Variants in BCKDHB observed in about 807,000 individuals in gnomAD.
The protein encoded by BCKDHB is 2-oxoisovalerate dehydrogenase subunit beta, mitochondrial.
A neutral mutation model predicts 48.5 loss-of-function variants in BCKDHB; 41 were observed. The observed-to-expected ratio is 0.85, with a 90% CI of 0.66 to 1.10. The LOEUF is 1.10. BCKDHB is among the 50% of genes least tolerant of loss of function. BCKDHB has a pLI of 0.00. For missense variants in BCKDHB, 496 were observed against 494.2 expected, an observed-to-expected ratio of 1.00 and a Z score of -0.03; for synonymous variants, 201 against 174.8, an observed-to-expected ratio of 1.15 and a Z score of -1.18.
At chr6:80,201,138 G>A in intron 7 of BCKDHB, 107 bp downstream of exon 7, 1 of 923,442 alleles carries the variant, frequency 1.1e-6, no homozygotes, top group Non-Finnish European at 1.7e-6. Flanking sequence ...TTATATCTCA[G>A]ATTAAGTCTG....
chr6:80,155,724 A>G (rs921592959), intron 3 of BCKDHB, among the ~76,000 whole-genome samples: 3 of 152,052 alleles, frequency 2.0e-5, no homozygotes, highest in Non-Finnish European at 2.9e-5. Context: ...TAAATATAAC[A>G]TTGAATTTCT....
At chr6:80,201,117 C>T (rs144557946) in intron 7 of BCKDHB, 86 bp downstream of exon 7, 36 of 1,156,060 alleles carry the variant, frequency 3.1e-5, no homozygotes, top group African/African-American at 4.6e-5. Context: ...AAATTGAAAA[C>T]GATGTTTTCT....
At chr6:80,324,935 A>G (rs1768955496) in intron 9 of BCKDHB, among the ~76,000 whole-genome samples, 1 of 152,212 alleles carries the variant, frequency 6.6e-6, no homozygotes, top group Admixed American at 6.5e-5. Context: ...AAGAAAGTAC[A>G]TAGGAAGATG....
chr6:80,229,103 C>A (rs1268484691), intron 8 of BCKDHB, among the ~76,000 whole-genome samples: 4 of 152,158 alleles, frequency 2.6e-5, no homozygotes, highest in Non-Finnish European at 4.4e-5. Flanking sequence ...CAGTGAGCAC[C>A]TTCTGGGACC....
At chr6:80,183,935 T>C (rs1354898773) in intron 6 of BCKDHB, among the ~76,000 whole-genome samples, 2 of 152,172 alleles carry the variant, frequency 1.3e-5, no homozygotes, top group Non-Finnish European at 2.9e-5. Context: ...TTCTATTTAA[T>C]GCTGAATAAT....
At chr6:80,118,349 C>T (rs1205440877) in intron 1 of BCKDHB, among the ~76,000 whole-genome samples, 1 of 152,100 alleles carries the variant, frequency 6.6e-6, no homozygotes, top group Non-Finnish European at 1.5e-5. Flanking sequence ...TCTAAAAGAT[C>T]AATGTACATA....
intron 8 of BCKDHB, among the ~76,000 whole-genome samples, chr6:80,236,339 T>C (rs1289558237): frequency 6.6e-6 from 1 of 152,242 alleles, no homozygotes; most frequent in Non-Finnish European, 1.5e-5. Flanking sequence ...AATAGACTTT[T>C]AGGTGATCAG....
intron 3 of BCKDHB, among the ~76,000 whole-genome samples, chr6:80,141,173 G>A (rs569991623): frequency 1.5e-4 from 23 of 151,876 alleles, no homozygotes; most frequent in African/African-American, 3.4e-4. Flanking sequence ...TTTTTAATGC[G>A]TCTATTCGAT....
intron 1 of BCKDHB, chr6:80,127,215 C>CT (rs1770388775): frequency 6.3e-6 from 2 of 319,390 alleles, no homozygotes; most frequent in African/African-American, 4.3e-5. Flanking sequence ...GTCTGTGCTT[C>CT]TTCCCAGACC....
the BCKDHB span, among the ~76,000 whole-genome samples, chr6:80,438,362 G>A: frequency 1.3e-5 from 2 of 152,104 alleles, no homozygotes; most frequent in Non-Finnish European, 2.9e-5. Context: ...TGTATTGATA[G>A]GTGTTTACAT....
chr6:80,235,506 T>C (rs1398152016), intron 8 of BCKDHB, among the ~76,000 whole-genome samples: 1 of 152,132 alleles, frequency 6.6e-6, no homozygotes, highest in African/African-American at 2.4e-5. Flanking sequence ...CAGAATAATA[T>C]CTTCTACAAA....
chr6:80,187,788 C>A (rs1034489676), intron 6 of BCKDHB, among the ~76,000 whole-genome samples: 2 of 152,148 alleles, frequency 1.3e-5, no homozygotes, highest in African/African-American at 2.4e-5. Context: ...TACCATCTCA[C>A]ACCAGTCAGA....
the BCKDHB span, among the ~76,000 whole-genome samples, chr6:80,413,510 T>A: frequency 6.6e-6 from 1 of 152,184 alleles, no homozygotes; most frequent in Non-Finnish European, 1.5e-5. Context: ...TCCATATGTT[T>A]TTATCATTTA....
the BCKDHB span, among the ~76,000 whole-genome samples, chr6:80,458,476 T>C: frequency 1.3e-5 from 2 of 152,198 alleles, no homozygotes; most frequent in African/African-American, 4.8e-5. Context: ...ACAGTGTGTA[T>C]GGTGGTTTAG....
intron 3 of BCKDHB, among the ~76,000 whole-genome samples, chr6:80,137,194 T>G (rs1267373894): frequency 6.6e-6 from 1 of 152,194 alleles, no homozygotes; most frequent in East Asian, 1.9e-4. Context: ...TTTTTCTTAT[T>G]TATTACTTTG....
chr6:80,207,403 A>G (rs1231501471), intron 8 of BCKDHB, among the ~76,000 whole-genome samples: 1 of 151,988 alleles, frequency 6.6e-6, no homozygotes, highest in Non-Finnish European at 1.5e-5. Flanking sequence ...GAATGAATGC[A>G]TATCTAGCAA....
chr6:80,430,181 A>G, the BCKDHB span, among the ~76,000 whole-genome samples: 7 of 152,188 alleles, frequency 4.6e-5, no homozygotes, highest in Non-Finnish European at 7.3e-5. Flanking sequence ...TGATTTGCAT[A>G]TGTTGAACCA....
At chr6:80,338,378 G>T (rs1769705819) in intron 9 of BCKDHB, among the ~76,000 whole-genome samples, 1 of 152,108 alleles carries the variant, frequency 6.6e-6, no homozygotes, top group Admixed American at 6.6e-5. Flanking sequence ...GTGCGCGGAG[G>T]GATTTCCAGC....
the BCKDHB span, among the ~76,000 whole-genome samples, chr6:80,354,742 C>T: frequency 6.6e-6 from 1 of 152,150 alleles, no homozygotes; most frequent in Admixed American, 6.5e-5. Context: ...TCTATTTTCT[C>T]AGCACCATTT....
Sources: allele counts gnomAD v4.1 joint callset (sites outside exome capture counted in the v4.1 genomes callset), GRCh38; gene constraint gnomAD v4.1.1; transcripts MANE v1.5; gene names NCBI Gene and HGNC (gene_info 2026-07-23, HGNC 2026-07-21).